The following POPDC3 variants were observed in gnomAD, a reference collection of about 807,000 sequenced individuals.
POPDC3 encodes popeye domain cAMP effector 3, also known as popeye domain-containing protein 3.
In POPDC3, 20 loss-of-function variants were observed where a neutral mutation model predicts 28.2. The ratio of observed to expected loss-of-function variants is 0.71; its 90% CI spans 0.50 to 1.03. The LOEUF is 1.03. Ranked by LOEUF, POPDC3 falls within the 50% of genes least tolerant of loss-of-function variation. The probability of loss-of-function intolerance (pLI) is 0.00; values close to 1 mark genes in which losing one functional copy is unlikely to be tolerated. For synonymous variants in POPDC3, 118 were observed against 124.1 expected, an observed-to-expected ratio of 0.95 and a Z score of 0.33; for missense variants, 316 against 345.9, an observed-to-expected ratio of 0.91 and a Z score of 0.69.
rs189756254 is a variant in POPDC3 at position 105,160,498 on chromosome 6, G to A, written c.486-679C>T. 3.4e-3 allele frequency among the ~76,000 whole-genome samples: 522 copies of A among 152,106 alleles called. 6 individuals carry two copies. Among genetic ancestry groups the A allele is most frequent in the African/African-American group, 0.012 (497 of 41,480 alleles). Reference sequence around the variant, plus strand: ...CAAAGTGCTGGGATTACAGGCGTGAGCCACCGCGCCTGGCCTGTAAGCCAC... The same window carrying A: ...CAAAGTGCTGGGATTACAGGCGTGAACCACCGCGCCTGGCCTGTAAGCCAC... On this transcript the variant is annotated intron_variant, in intron 2 of 3. Coordinates refer to ENST00000254765, the MANE Select transcript of POPDC3 (RefSeq NM_022361.5).
At chr6:105,163,567 A>G (rs976340741) in intron 1 of POPDC3, 3 of 152,254 alleles carry the variant, frequency 2.0e-5, no homozygotes, top group Non-Finnish European at 4.4e-5. Flanking sequence ...ACACCTGTTA[A>G]TAAACTATCA....
Position 105,159,160 on chromosome 6 carries a change from A to G in POPDC3, c.595-409T>C, listed in dbSNP as rs1262615926. The G allele has an allele frequency of 6.2e-5, 10 of 161,268 alleles. No homozygotes were observed. The Admixed American group carries it at 6.2e-4, about 10-fold the overall frequency. The allele number at this position is 161,268 out of a possible 1,614,324, so 10.0% of individuals were successfully genotyped here. A position where few individuals can be genotyped will look rare whatever the true frequency, so the allele number is the denominator to read the frequency against. On this transcript the variant is annotated intron_variant, in intron 3 of 3. Coordinates refer to ENST00000254765, the MANE Select transcript of POPDC3 (RefSeq NM_022361.5). ...GAATTTATATACCTAATTTGCATAC[A>G]TATTTGAGTTTGTTGCATACACACA... is the stretch of plus-strand genomic sequence containing the variant.
Position 105,161,446 on chromosome 6 carries a change from A to G in POPDC3, c.464T>C (p.Leu155Pro). The G allele has an allele frequency of 6.2e-7, 1 of 1,613,658 alleles. No individual in the cohort carries two copies. The highest frequency in any genetic ancestry group is 8.5e-7 in the Non-Finnish European group (1 of 1,179,746). ...AMQGKTSIDK[L>P]SLLVSGRIRV... is the part of the protein sequence containing the mutation. ...AAACCTTCCTGAAACAAGCAAGGAG[A>G]GTTTATCAATGGAAGTTTTCCCCTG... Residue 155 changes from leucine (L) to proline (P), a missense_variant, in exon 2 of 4, where the codon CTC (leucine) becomes CCC (proline). Coordinates refer to ENST00000254765, the MANE Select transcript of POPDC3 (RefSeq NM_022361.5).
chr6:105,178,840 A>G (rs547330556), intron 1 of POPDC3: 2 of 985,450 alleles, frequency 2.0e-6, no homozygotes, highest in East Asian at 2.3e-4. Flanking sequence ...GAAAAAAAAT[A>G]GCCACTAAAC....
chr6:105,161,362 A>T, intron 2 of POPDC3, 63 bp downstream of exon 2: 1 of 1,540,610 alleles, frequency 6.5e-7, no homozygotes, highest in Non-Finnish European at 8.7e-7. Flanking sequence ...GGAAAAATAT[A>T]GTGGAAAGAA....
At chr6:105,163,417 GCCA>G (rs1475683727) in intron 1 of POPDC3, among the ~76,000 whole-genome samples, 9 of 152,144 alleles carry the variant, frequency 5.9e-5, no homozygotes, top group African/African-American at 1.9e-4. Flanking sequence ...TGTATCATTT[GCCA>G]CCCAGTTTCC....
chr6:105,161,880 G>C lies in POPDC3; in HGVS notation c.30C>G (p.Asn10Lys). 6.2e-7 allele frequency: 1 copy of C among 1,605,840 alleles called. No individual in the cohort carries two copies. The highest frequency in any genetic ancestry group is 8.5e-7 in the Non-Finnish European group (1 of 1,177,142). ...TGCAGACTGGGTGTTCATCTATTAG[G>C]TTCTTCCATAAACTTGAATTTCTTT... Reference protein sequence around the residue: MERNSSLWKNLIDEHPVCTT... With the variant: MERNSSLWKKLIDEHPVCTT... Residue 10 changes from asparagine to lysine, a missense_variant, in exon 2 of 4, where the codon AAC (asparagine) becomes AAG (lysine). Transcript: ENST00000254765.
intron 1 of POPDC3, chr6:105,176,992 TATA>T (rs111783723): frequency 0.08 from 18,471 of 230,078 alleles, 762 homozygotes; most frequent in Middle Eastern, 0.18. Context: ...TTTGTATTCT[TATA>T]ATGATTTTGG....
chr6:105,159,869 A>T, intron 2 of POPDC3, 50 bp from the exon 3 acceptor site: 29 of 1,187,958 alleles, frequency 2.4e-5, no homozygotes, highest in Non-Finnish European at 3.5e-5. Flanking sequence ...AAGAGAGCAC[A>T]TAATTGGGGA....
At chr6:105,165,350 G>C (rs80314300) in intron 1 of POPDC3, among the ~76,000 whole-genome samples, 5 of 152,138 alleles carry the variant, frequency 3.3e-5, no homozygotes, top group Non-Finnish European at 7.3e-5. Context: ...ACAGAGAGCC[G>C]CTCATGAATA....
intron 1 of POPDC3, among the ~76,000 whole-genome samples, chr6:105,176,113 A>T (rs1774678517): frequency 6.6e-6 from 1 of 152,212 alleles, no homozygotes; most frequent in East Asian, 1.9e-4. Flanking sequence ...GTTAAAATAT[A>T]ATTTTTTTAT....
chr6:105,162,885 A>G (rs752033258), intron 1 of POPDC3, among the ~76,000 whole-genome samples: 32 of 152,186 alleles, frequency 2.1e-4, no homozygotes, highest in South Asian at 6.2e-4. Context: ...TTTGAGGGAT[A>G]CTGTCTGATA....
chr6:105,163,994 C>T (rs763117532), intron 1 of POPDC3, among the ~76,000 whole-genome samples: 3 of 152,156 alleles, frequency 2.0e-5, no homozygotes, highest in Non-Finnish European at 2.9e-5. Context: ...TTTTATTCTA[C>T]TGGGTATTAC....
chr6:105,175,160 C>T (rs1221158235), intron 1 of POPDC3, among the ~76,000 whole-genome samples: 1 of 151,352 alleles, frequency 6.6e-6, no homozygotes, highest in Non-Finnish European at 1.5e-5. Context: ...GAGCAAGACT[C>T]CATCTCAAAA....
intron 1 of POPDC3, among the ~76,000 whole-genome samples, chr6:105,162,495 G>A (rs1417518362): frequency 1.3e-5 from 2 of 152,186 alleles, no homozygotes; most frequent in African/African-American, 4.8e-5. Context: ...CCTTTGGGAG[G>A]CTGAGGTGGG....
chr6:105,167,271 T>C (rs1335737370), intron 1 of POPDC3, among the ~76,000 whole-genome samples: 2 of 143,322 alleles, frequency 1.4e-5, no homozygotes, highest in Non-Finnish European at 3.0e-5. Flanking sequence ...TAGCCATGTT[T>C]AATCTGATGC....
intron 1 of POPDC3, chr6:105,169,469 A>G (rs1407924111): frequency 6.6e-6 from 1 of 152,204 alleles, no homozygotes; most frequent in Non-Finnish European, 1.5e-5. Flanking sequence ...CCAATCTCCA[A>G]AATTCCTAGA....
chr6:105,169,712 T>C (rs1000021743), intron 1 of POPDC3: 1 of 152,214 alleles, frequency 6.6e-6, no homozygotes, highest in African/African-American at 2.4e-5. Context: ...TTGATCCTCA[T>C]ATGCTACTAC....
At position 105,159,795 on chromosome 6, in the gene POPDC3, T is replaced by G. The variant is rs1224960876; in HGVS notation, c.510A>C (p.Glu170Asp). ...SGRIRVTVDG[E>D]FLHYIFPLQF... is the part of the protein sequence containing the mutation. Reference sequence around the variant, plus strand: ...GAAGGGGGAAAATGTAATGCAGAAATTCGCCATCAACTGTCACTCTGATCC... The same window carrying G: ...GAAGGGGGAAAATGTAATGCAGAAAGTCGCCATCAACTGTCACTCTGATCC... Residue 170 changes from glutamate to aspartate, a missense_variant, in exon 3 of 4, where the codon GAA (glutamate) becomes GAC (aspartate). Glu to Asp is a conservative substitution (Grantham distance 45). Transcript: ENST00000254765. 1 of 1,613,186 alleles carries G rather than the reference T, an allele frequency of 6.2e-7. No individual in the cohort carries two copies. The highest frequency in any genetic ancestry group is 2.2e-5 in the East Asian group (1 of 44,850).
Sources: gnomAD v4.1 joint callset for allele counts (sites outside exome capture counted in the v4.1 genomes callset) on GRCh38, gnomAD v4.1.1 for gene constraint, MANE v1.5 for transcripts, NCBI Gene and HGNC (gene_info 2026-07-23, HGNC 2026-07-21) for gene names.